TRIM2: variants seen among roughly 807,000 people sequenced by gnomAD.
TRIM2 encodes the protein tripartite motif-containing protein 2.
TRIM2 carries 20 observed loss-of-function variants against 75.2 expected under a neutral mutation model. The ratio of observed to expected loss-of-function variants is 0.27; its 90% CI spans 0.19 to 0.39. The LOEUF (loss-of-function observed/expected upper bound fraction) is 0.39. Ranked by LOEUF, TRIM2 falls within the 10% of genes least tolerant of loss-of-function variation. TRIM2 has a pLI of 1.00. For synonymous variants in TRIM2, 373 were observed against 388.3 expected (o/e 0.96, Z 0.46); for missense variants, 660 against 990.8 (o/e 0.67, Z 4.48).
In TRIM2 at chr4:153,260,690, ACCCC is replaced by A. The variant is rs58510660; in HGVS notation, c.31-9637_31-9634del. Among the ~76,000 whole-genome samples the A allele has an allele frequency of 1.7e-3, 59 of 34,612 alleles. 4 individuals carry two copies. The highest frequency in any genetic ancestry group is 5.0e-3 in the African/African-American group (53 of 10,682). The allele number at this position is 34,612 out of a possible 152,430, so 22.7% of individuals were successfully genotyped here. ...AACACACACACCCACCCACACACCC[ACCCC>A]CCCCCCCACACACACACACACACAC... On this transcript the variant is annotated intron_variant, in intron 1 of 11. Transcript: ENST00000338700.
intron 1 of TRIM2, among the ~76,000 whole-genome samples, chr4:153,196,695 T>C (rs1427448929): frequency 3.9e-5 from 6 of 152,222 alleles, no homozygotes; most frequent in African/African-American, 1.4e-4. Flanking sequence ...CCATCAGGGT[T>C]ATTGATGAAA....
intron 6 of TRIM2, chr4:153,308,537 G>T: frequency 1.4e-6 from 1 of 722,510 alleles, no homozygotes; most frequent in South Asian, 1.4e-5. Flanking sequence ...GTCCTTCTCT[G>T]GTAGGTGAAG....
chr4:153,312,463 C>T (rs1239978095), intron 6 of TRIM2, among the ~76,000 whole-genome samples: 9 of 151,982 alleles, frequency 5.9e-5, no homozygotes, highest in African/African-American at 2.2e-4. Context: ...AAAATGCTCA[C>T]CATCACTGGC....
intron 6 of TRIM2, chr4:153,308,434 C>T: frequency 1.2e-6 from 1 of 810,766 alleles, no homozygotes; most frequent in South Asian, 1.3e-5. Context: ...AGCTCAGAAG[C>T]ATCATACTGA....
intron 1 of TRIM2, among the ~76,000 whole-genome samples, chr4:153,196,778 C>T (rs1306770700): frequency 6.6e-6 from 1 of 152,200 alleles, no homozygotes; most frequent in Non-Finnish European, 1.5e-5. Context: ...TAATTCTGAA[C>T]TAGGTTTTCA....
intron 1 of TRIM2, among the ~76,000 whole-genome samples, chr4:153,161,744 A>G (rs1424834803): frequency 6.6e-6 from 1 of 152,234 alleles, no homozygotes. Flanking sequence ...AGATGACTGA[A>G]TATTGGGCAG....
chr4:153,246,449 T>C (rs2149892691), intron 1 of TRIM2, among the ~76,000 whole-genome samples: 1 of 152,318 alleles, frequency 6.6e-6, no homozygotes, highest in East Asian at 1.9e-4. Flanking sequence ...AGGCCACAGA[T>C]AAAAATTGTT....
At chr4:153,191,708 G>A (rs1196507104) in intron 1 of TRIM2, among the ~76,000 whole-genome samples, 1 of 152,152 alleles carries the variant, frequency 6.6e-6, no homozygotes, top group East Asian at 1.9e-4. Flanking sequence ...GAAAATAAGT[G>A]AGCCTGATGA....
At chr4:153,176,755 T>C (rs1274328059) in intron 1 of TRIM2, among the ~76,000 whole-genome samples, 2 of 152,010 alleles carry the variant, frequency 1.3e-5, no homozygotes, top group African/African-American at 4.8e-5. Context: ...GGACCACAGG[T>C]GTGTGCCACC....
chr4:153,293,154 C>A, intron 4 of TRIM2, 21 bp downstream of exon 4: 3 of 1,589,508 alleles, frequency 1.9e-6, no homozygotes, highest in South Asian at 1.1e-5. Flanking sequence ...CCTCCCCAAA[C>A]CCCCAACTGG....
intron 1 of TRIM2, among the ~76,000 whole-genome samples, chr4:153,224,488 G>T (rs1295967768): frequency 6.6e-6 from 1 of 151,962 alleles, no homozygotes; most frequent in Non-Finnish European, 1.5e-5. Flanking sequence ...TCTTTTCCTG[G>T]CAGCCTCCCT....
At chr4:153,331,244 G>A (rs982765766) in intron 11 of TRIM2, among the ~76,000 whole-genome samples, 5 of 152,096 alleles carry the variant, frequency 3.3e-5, no homozygotes, top group Non-Finnish European at 4.4e-5. Context: ...GATTCCTTAA[G>A]TCTGGGAGTT....
intron 1 of TRIM2, among the ~76,000 whole-genome samples, chr4:153,245,445 G>A (rs1578918682): frequency 1.3e-5 from 2 of 152,222 alleles, no homozygotes; most frequent in Admixed American, 1.3e-4. Context: ...TGTTAGGCTT[G>A]AGCAGGGGCG....
At chr4:153,202,507 G>A (rs1342049878), upstream of TRIM2, among the ~76,000 whole-genome samples, 1 of 151,168 alleles carries the variant, frequency 6.6e-6, no homozygotes, top group Admixed American at 6.6e-5. Flanking sequence ...CATCCTGGCT[G>A]AAACCCAACT....
intron 1 of TRIM2, among the ~76,000 whole-genome samples, chr4:153,154,973 C>G (rs755320775): frequency 4.6e-5 from 7 of 152,160 alleles, no homozygotes; most frequent in Non-Finnish European, 7.3e-5. Context: ...AACTCCGTCT[C>G]TACTGAAAAT....
At chr4:153,276,752 G>A (rs573552171) in intron 3 of TRIM2, among the ~76,000 whole-genome samples, 1 of 152,214 alleles carries the variant, frequency 6.6e-6, no homozygotes, top group Non-Finnish European at 1.5e-5. Context: ...TGGCTTTGGA[G>A]TCAGGCTGCC....
chr4:153,264,865 G>A (rs1436160687), intron 1 of TRIM2, among the ~76,000 whole-genome samples: 2 of 152,118 alleles, frequency 1.3e-5, no homozygotes, highest in Admixed American at 1.3e-4. Context: ...GTCGATTCTT[G>A]GAGTTCTAAA....
At chr4:153,221,835 G>T (rs1366488132) in intron 1 of TRIM2, among the ~76,000 whole-genome samples, 1 of 113,836 alleles carries the variant, frequency 8.8e-6, no homozygotes, top group Non-Finnish European at 1.9e-5. Flanking sequence ...AATGAAGGAA[G>T]GAAGGAAAGC....
intron 1 of TRIM2, among the ~76,000 whole-genome samples, chr4:153,169,590 ATGTG>A (rs1002541546): frequency 6.6e-6 from 1 of 152,132 alleles, no homozygotes; most frequent in African/African-American, 2.4e-5. Context: ...ATACAACTGT[ATGTG>A]TGTGTATATT....
Sources: allele counts gnomAD v4.1 joint callset (sites outside exome capture counted in the v4.1 genomes callset), GRCh38; gene constraint gnomAD v4.1.1; transcripts MANE v1.5; gene names NCBI Gene and HGNC (gene_info 2026-07-23, HGNC 2026-07-21).